The following UNC5C variants were observed in gnomAD, a reference collection of about 807,000 sequenced individuals.
UNC5C encodes unc-5 netrin receptor C, also known as netrin receptor UNC5C.
UNC5C carries 47 observed loss-of-function variants against 99.8 expected under a neutral mutation model. The observed-to-expected ratio is 0.47, with a 90% CI of 0.37 to 0.60. UNC5C has a LOEUF of 0.60. Ranked by LOEUF, UNC5C falls within the 20% of genes least tolerant of loss-of-function variation. UNC5C has a pLI of 0.00. For synonymous variants in UNC5C, 487 were observed against 452.2 expected (o/e 1.08, Z -0.98); for missense variants, 1,062 against 1,165.9 (o/e 0.91, Z 1.30).
intron 3 of UNC5C, among the ~76,000 whole-genome samples, chr4:95,284,116 T>C (rs978631954): frequency 6.6e-6 from 1 of 151,888 alleles, no homozygotes; most frequent in Non-Finnish European, 1.5e-5. Flanking sequence ...ATTTTGATGC[T>C]TTCAGTGATT....
intron 4 of UNC5C, among the ~76,000 whole-genome samples, chr4:95,251,786 G>T (rs1739746460): frequency 6.6e-6 from 1 of 152,074 alleles, no homozygotes; most frequent in South Asian, 2.1e-4. Flanking sequence ...TCTGTCAGTG[G>T]GTTTGACATT....
chr4:95,524,713 T>C (rs1261602817), intron 1 of UNC5C, among the ~76,000 whole-genome samples: 1 of 152,170 alleles, frequency 6.6e-6, no homozygotes, highest in Non-Finnish European at 1.5e-5. Context: ...CACTGGAGCT[T>C]GCGACTGCCT....
At chr4:95,189,092 A>G (rs1170581621) in intron 12 of UNC5C, among the ~76,000 whole-genome samples, 2 of 152,228 alleles carry the variant, frequency 1.3e-5, no homozygotes, top group African/African-American at 4.8e-5. Flanking sequence ...TATAGTAAGG[A>G]TGCGGATCAT....
chr4:95,399,225 C>G (rs1033883663), intron 1 of UNC5C, among the ~76,000 whole-genome samples: 1 of 152,126 alleles, frequency 6.6e-6, no homozygotes, highest in Non-Finnish European at 1.5e-5. Flanking sequence ...AAGTATCATG[C>G]TAAAAGCAGT....
chr4:95,176,348 T>C (rs866887738), intron 14 of UNC5C, among the ~76,000 whole-genome samples: 6,600 of 151,768 alleles, frequency 0.043, 229 homozygotes, highest in African/African-American at 0.096. Context: ...GTTTTTCTGC[T>C]CTGTTTTTTC....
chr4:95,259,107 G>A (rs961147263), intron 4 of UNC5C, among the ~76,000 whole-genome samples: 4 of 152,012 alleles, frequency 2.6e-5, no homozygotes, highest in Non-Finnish European at 5.9e-5. Context: ...CCAGCTAAGA[G>A]GGCTGCTTTC....
chr4:95,352,736 C>A (rs1305239848), intron 1 of UNC5C, among the ~76,000 whole-genome samples: 1 of 152,152 alleles, frequency 6.6e-6, no homozygotes, highest in Non-Finnish European at 1.5e-5. Flanking sequence ...CATACCAGCT[C>A]TTCATTATTT....
At chr4:95,385,215 G>C (rs879694088) in intron 1 of UNC5C, among the ~76,000 whole-genome samples, 1 of 152,080 alleles carries the variant, frequency 6.6e-6, no homozygotes, top group Non-Finnish European at 1.5e-5. Context: ...TTTCAAACAC[G>C]TTCTAAGAAC....
Position 95,396,676 on chromosome 4 carries a change from GGT to G in UNC5C, c.125-61047_125-61046del, listed in dbSNP as rs1745520528. ...AATGATGCCTTTCACCCAATCGAAT[GGT>G]GCTTTTCCAAGCCCACCCGTGGACC... On this transcript the variant is annotated intron_variant, in intron 1 of 15. Transcript: ENST00000453304. Among the ~76,000 whole-genome samples, 4 of 152,162 alleles carry G rather than the reference GGT, an allele frequency of 2.6e-5. 1 individual carries two copies. In the South Asian group the frequency reaches 8.3e-4, roughly 32 times the overall value.
At chr4:95,527,920 A>G (rs1430878574) in intron 1 of UNC5C, among the ~76,000 whole-genome samples, 4 of 152,052 alleles carry the variant, frequency 2.6e-5, no homozygotes, top group Non-Finnish European at 4.4e-5. Context: ...TATTCCTAAA[A>G]CTAGAAAATA....
At chr4:95,434,223 C>A (rs531653112) in intron 1 of UNC5C, among the ~76,000 whole-genome samples, 1 of 152,190 alleles carries the variant, frequency 6.6e-6, no homozygotes, top group African/African-American at 2.4e-5. Context: ...TCTTTGATCT[C>A]TTCTTTCTTG....
At chr4:95,221,298 C>A (rs1738459570) in intron 7 of UNC5C, among the ~76,000 whole-genome samples, 1 of 152,178 alleles carries the variant, frequency 6.6e-6, no homozygotes. Context: ...TAGTCGAGAA[C>A]AACCTAGAAT....
intron 1 of UNC5C, among the ~76,000 whole-genome samples, chr4:95,400,383 TC>T (rs143578546): frequency 7.6e-6 from 1 of 130,864 alleles, no homozygotes; most frequent in Admixed American, 8.1e-5. Context: ...TGAGATGAAT[TC>T]TTTTTTTTTT....
intron 1 of UNC5C, among the ~76,000 whole-genome samples, chr4:95,529,887 T>C (rs1048619511): frequency 6.6e-6 from 1 of 152,192 alleles, no homozygotes; most frequent in Non-Finnish European, 1.5e-5. Flanking sequence ...AGTCAAAATA[T>C]GCAGACAAAT....
chr4:95,547,552 T>C (rs1248139415), intron 1 of UNC5C, among the ~76,000 whole-genome samples: 1 of 152,192 alleles, frequency 6.6e-6, no homozygotes, highest in Non-Finnish European at 1.5e-5. Context: ...AATCCCTGAA[T>C]TGCCTCTGAA....
At chr4:95,465,740 C>T (rs1747753262) in intron 1 of UNC5C, among the ~76,000 whole-genome samples, 1 of 152,032 alleles carries the variant, frequency 6.6e-6, no homozygotes, top group African/African-American at 2.4e-5. Context: ...CAGATGGATC[C>T]AAAGCAGTCA....
chr4:95,366,085 T>C (rs1197946295), intron 1 of UNC5C, among the ~76,000 whole-genome samples: 1 of 152,000 alleles, frequency 6.6e-6, no homozygotes, highest in Non-Finnish European at 1.5e-5. Flanking sequence ...GGGCCTGGAG[T>C]TACCTACTTT....
chr4:95,227,395 C>T lies in UNC5C; in HGVS notation c.1109-7219G>A, dbSNP rs1010601806. ...TTTGAACTCCTGGGCTCAAGCAATC[C>T]TCCCACCTTGGCTTCCCAAAGTGCT... On this transcript the variant is annotated intron_variant, in intron 7 of 15. Transcript: ENST00000453304. Among the ~76,000 whole-genome samples the T allele has an allele frequency of 4.6e-5, 7 of 152,248 alleles. No individual in the cohort carries two copies. The South Asian group carries it at 8.3e-4, about 18-fold the overall frequency.
intron 1 of UNC5C, among the ~76,000 whole-genome samples, chr4:95,366,196 G>C (rs1403758474): frequency 6.6e-6 from 1 of 152,126 alleles, no homozygotes; most frequent in Admixed American, 6.6e-5. Flanking sequence ...GAGTGCACTG[G>C]TGTGCACCTG....
Sources: gnomAD v4.1 joint callset for allele counts (sites outside exome capture counted in the v4.1 genomes callset) on GRCh38, gnomAD v4.1.1 for gene constraint, MANE v1.5 for transcripts, NCBI Gene and HGNC (gene_info 2026-07-23, HGNC 2026-07-21) for gene names.